Variants in MYO18A observed in about 807,000 individuals in gnomAD.
MYO18A encodes myosin XVIIIA.
A neutral mutation model predicts 235.8 loss-of-function variants in MYO18A; 78 were observed. The observed-to-expected ratio is 0.33, with a 90% CI of 0.28 to 0.40. The LOEUF (loss-of-function observed/expected upper bound fraction) is 0.40. Ranked by LOEUF, MYO18A falls within the 10% of genes least tolerant of loss-of-function variation. MYO18A has a pLI of 1.00. For missense variants in MYO18A, 2,215 were observed against 2,699.3 expected (o/e 0.82, Z 3.98); for synonymous variants, 977 against 1,077.8 (o/e 0.91, Z 1.83).
In MYO18A at chr17:29,074,911, G is replaced by A; in HGVS notation, c.6024C>T (p.Pro2008=). Residue 2008 remains proline (P), a synonymous_variant, in exon 42 of 42, where the codon CCC becomes CCT. Coordinates refer to ENST00000527372, the MANE Select transcript of MYO18A (RefSeq NM_078471.4). This position sits in a 1 kb window ranked among gnomAD's most constrained non-coding sequence, Gnocchi z 4.4. ...SDDGSLKSSS[P]TSYWKSLAPD... ...GGGCAAGGGACTTCCAGTAGCTGGT[G>A]GGGCTGCAGGGACCGAGGAATAAGG... 6.2e-7 allele frequency: 1 copy of A among 1,613,946 alleles called. No homozygotes were observed. The highest frequency in any genetic ancestry group is 8.5e-7 in the Non-Finnish European group (1 of 1,179,872).
chr17:29,163,090 G>A (rs1801760988), intron 2 of MYO18A, among the ~76,000 whole-genome samples: 1 of 152,252 alleles, frequency 6.6e-6, no homozygotes, highest in South Asian at 2.1e-4. Flanking sequence ...TGGATGGCCT[G>A]ATGGCAGGGT....
chr17:29,098,737 G>T, intron 23 of MYO18A, 89 bp downstream of exon 23: 1 of 1,515,154 alleles, frequency 6.6e-7, no homozygotes, highest in Non-Finnish European at 9.0e-7. Flanking sequence ...CAGCTCTCTG[G>T]ACTAAACGAA....
At chr17:29,089,105 T>C (rs1227731207) in intron 37 of MYO18A, among the ~76,000 whole-genome samples, 1 of 140,682 alleles carries the variant, frequency 7.1e-6, no homozygotes, top group Non-Finnish European at 1.5e-5. Flanking sequence ...GAGAGGAGAA[T>C]GGGATGGGAA....
rs974116449 is a variant in MYO18A at position 29,111,971 on chromosome 17, A to G, written c.2599-108T>C. 11 of 1,345,128 alleles carry G rather than the reference A, an allele frequency of 8.2e-6. No homozygotes were observed. In the African/African-American group the frequency reaches 1.2e-4, roughly 14 times the overall value. The allele number at this position is 1,345,128 out of a possible 1,614,324, so 83.3% of individuals were successfully genotyped here. A position where few individuals can be genotyped will look rare whatever the true frequency, so the allele number is the denominator to read the frequency against. ...TACAGAATGCTACACATGTGCACAC[A>G]TGCACACACGCACATGCCGCAGCTC... On this transcript the variant is annotated intron_variant, in intron 15 of 41. Transcript: ENST00000527372. This position sits in a 1 kb window ranked among gnomAD's most constrained non-coding sequence, Gnocchi z 5.1.
chr17:29,124,822 T>A, intron 2 of MYO18A: 1 of 630,988 alleles, frequency 1.6e-6, no homozygotes, highest in Non-Finnish European at 2.3e-6. Flanking sequence ...GGGGTGAAGG[T>A]GGGGGAGCTT....
intron 2 of MYO18A, among the ~76,000 whole-genome samples, chr17:29,154,099 AGAGT>A (rs1227016716): frequency 6.7e-6 from 1 of 149,276 alleles, no homozygotes; most frequent in South Asian, 2.1e-4. Flanking sequence ...TAAATTCTGC[AGAGT>A]GTGTGTGTGT....
rs1409959216 is a variant in MYO18A, at chr17:29,140,518, G to A, written c.1000-18265C>T. 2.4e-6 allele frequency: 2 copies of A among 832,522 alleles called. No individual in the cohort carries two copies. The highest frequency in any genetic ancestry group is 4.3e-5 in the Admixed American group (1 of 23,010). The allele number at this position is 832,522 out of a possible 1,614,324, so 51.6% of individuals were successfully genotyped here. On this transcript the variant is annotated intron_variant, in intron 2 of 41. Coordinates refer to ENST00000527372, the MANE Select transcript of MYO18A (RefSeq NM_078471.4). This position sits in a 1 kb window ranked among gnomAD's most constrained non-coding sequence, Gnocchi z 4.2. Reference sequence around the variant, plus strand: ...TGGAGCCAGCAGCCCGGAGGACTTCGGGTATCAGGTATGCCAGGAGGGAGA... The same window carrying A: ...TGGAGCCAGCAGCCCGGAGGACTTCAGGTATCAGGTATGCCAGGAGGGAGA...
At chr17:29,127,082 A>G (rs2067339078) in intron 2 of MYO18A, among the ~76,000 whole-genome samples, 1 of 152,212 alleles carries the variant, frequency 6.6e-6, no homozygotes, top group Admixed American at 6.5e-5. Context: ...CATGCCAGGG[A>G]CCGGCTTGGA....
Position 29,098,368 on chromosome 17 carries a change from C to G in MYO18A, c.3858G>C (p.Arg1286=). 6.2e-7 allele frequency: 1 copy of G among 1,613,860 alleles called. No individual in the cohort carries two copies. The highest frequency in any genetic ancestry group is 8.5e-7 in the Non-Finnish European group (1 of 1,179,862). ...AGGAGTCACTCACCCGGCTCTCCAGCCGGTCACTGTTGAGCCGCAGCTCGT... is the reference window on the plus strand; with the variant it reads ...AGGAGTCACTCACCCGGCTCTCCAGGCGGTCACTGTTGAGCCGCAGCTCGT... ...ERNELRLNSD[R]LESRISELTS... is the part of the protein sequence containing the mutation. The change falls in exon 24 of 42, where the codon CGG becomes CGC. Residue 1286 remains arginine (R), a synonymous_variant. Transcript: ENST00000527372.
chr17:29,130,494 A>G (rs867527760), intron 2 of MYO18A, among the ~76,000 whole-genome samples: 4 of 125,096 alleles, frequency 3.2e-5, no homozygotes, highest in Non-Finnish European at 7.9e-5. Flanking sequence ...ACACACACAC[A>G]CACACACACA....
rs376358758 is a variant in MYO18A, at chr17:29,121,183, C to T, written c.1400G>A (p.Arg467Gln). The T allele has an allele frequency of 1.3e-5, 21 of 1,609,218 alleles. No homozygotes were observed. The highest frequency in any genetic ancestry group is 1.6e-4 in the Middle Eastern group (1 of 6,078). The stretch of plus-strand genomic sequence containing the variant: ...ATAGATGTGGGGTGCCATGTCCTCC[C>T]GCCGACAACCCTTGAACATGTGCAT... ...KVMHMFKGCR[R>Q]EDMAPHIYAV... The change falls in exon 6 of 42, where the codon CGG becomes CAG. Residue 467 changes from arginine (R) to glutamine (Q), a missense_variant. By Grantham distance (43) the Arg-to-Gln change is conservative. Transcript: ENST00000527372. This position sits in a 1 kb window ranked among gnomAD's most constrained non-coding sequence, Gnocchi z 4.2.
intron 1 of MYO18A, among the ~76,000 whole-genome samples, chr17:29,168,477 C>A (rs917367726): frequency 1.1e-4 from 17 of 150,730 alleles, no homozygotes; most frequent in African/African-American, 3.9e-4. Context: ...CATTTTTTCT[C>A]TCTCTCTGAA....
chr17:29,128,514 G>C (rs1355933896), intron 2 of MYO18A: 1 of 1,276,076 alleles, frequency 7.8e-7, no homozygotes, highest in Non-Finnish European at 1.0e-6. Context: ...CTCCTAGATG[G>C]GCCACTGCCT....
At chr17:29,091,031 G>C (rs1480675626) in intron 34 of MYO18A, 105 bp from the exon 35 acceptor site, 2 of 876,824 alleles carry the variant, frequency 2.3e-6, no homozygotes, top group African/African-American at 3.3e-5. Flanking sequence ...ATAATGGGCT[G>C]AGCCTGCCTG....
rs754320950 is a variant in MYO18A at position 29,092,950 on chromosome 17, G to A, written c.4978C>T (p.Arg1660Cys). The A allele has an allele frequency of 2.0e-5, 32 of 1,613,648 alleles. No individual in the cohort carries two copies. Among genetic ancestry groups the A allele is most frequent in the East Asian group, 4.5e-5 (2 of 44,886 alleles). The change falls in exon 33 of 42, where the codon CGC becomes TGC. Residue 1660 changes from arginine to cysteine, a missense_variant. Coordinates refer to ENST00000527372, the MANE Select transcript of MYO18A (RefSeq NM_078471.4). ...SEKRLRKDLK[R>C]TKALLADAQL... Reference sequence around the variant, plus strand: ...GCATCTGCCAGCAGGGCCTTGGTGCGCTTCAGGTCCTTCCGCAGCCGCTTC... The same window carrying A: ...GCATCTGCCAGCAGGGCCTTGGTGCACTTCAGGTCCTTCCGCAGCCGCTTC...
chr17:29,164,762 G>A (rs1037057118), intron 2 of MYO18A, among the ~76,000 whole-genome samples: 2 of 152,166 alleles, frequency 1.3e-5, no homozygotes, highest in Non-Finnish European at 2.9e-5. Flanking sequence ...CCTATCAAAA[G>A]ACCCCTGGGA....
At chr17:29,082,636 A>G (rs4965974) in intron 40 of MYO18A, among the ~76,000 whole-genome samples, 198 bp from the exon 41 acceptor site, 63,291 of 151,762 alleles carry the variant, frequency 0.42, 14,460 homozygotes, top group East Asian at 0.84. Context: ...CAGCAGCCAC[A>G]CTGTGTGACA....
At chr17:29,127,568 C>A (rs372413146) in intron 2 of MYO18A, among the ~76,000 whole-genome samples, 1 of 152,228 alleles carries the variant, frequency 6.6e-6, no homozygotes, top group Non-Finnish European at 1.5e-5. Context: ...CTCAAGCTGG[C>A]GCCATGTAGC....
chr17:29,168,744 C>G (rs889969113), intron 1 of MYO18A, among the ~76,000 whole-genome samples: 6 of 152,238 alleles, frequency 3.9e-5, no homozygotes. Flanking sequence ...AGCATCCTGA[C>G]TTGTGTTGCT....
Sources: gnomAD v4.1 joint callset for allele counts (sites outside exome capture counted in the v4.1 genomes callset) on GRCh38, gnomAD v4.1.1 for gene constraint, Gnocchi (gnomAD v3.1) non-coding constraint, MANE v1.5 for transcripts, NCBI Gene and HGNC (gene_info 2026-07-23, HGNC 2026-07-21) for gene names.